Variants in DYNC1I1 observed in about 807,000 individuals in gnomAD.
DYNC1I1 encodes the protein dynein cytoplasmic 1 intermediate chain 1, also known as cytoplasmic dynein 1 intermediate chain 1.
DYNC1I1 carries 43 observed loss-of-function variants against 86.6 expected under a neutral mutation model. The observed-to-expected ratio is 0.50, with a 90% CI of 0.39 to 0.64. The LOEUF is 0.64. DYNC1I1 is among the 30% of genes least tolerant of loss of function. DYNC1I1 has a pLI of 0.00. For synonymous variants in DYNC1I1, 262 were observed against 283.7 expected (o/e 0.92, Z 0.77); for missense variants, 604 against 788.8 (o/e 0.77, Z 2.81).
Position 96,090,889 on chromosome 7 carries a change from G to A in DYNC1I1, c.1777-6594G>A, listed in dbSNP as rs1790820116. Among the ~76,000 whole-genome samples the A allele has an allele frequency of 3.9e-5, 6 of 152,108 alleles. No individual in the cohort carries two copies. In the South Asian group the frequency reaches 1.2e-3, roughly 32 times the overall value. On this transcript the variant is annotated intron_variant, in intron 16 of 16. Coordinates refer to ENST00000447467, the MANE Select transcript of DYNC1I1 (RefSeq NM_001135556.2). ...CCTCTGTATATTGCATTCTAACTTG[G>A]AATTCTGGTCCGTGGTTTCATCCAT...
chr7:95,799,535 G>T (rs994446274), intron 1 of DYNC1I1, among the ~76,000 whole-genome samples: 2 of 152,292 alleles, frequency 1.3e-5, no homozygotes, highest in Admixed American at 6.5e-5. Context: ...GGGGATGCCT[G>T]CTGGGGACAG....
intron 6 of DYNC1I1, among the ~76,000 whole-genome samples, chr7:95,939,709 T>C (rs1213719879): frequency 2.5e-4 from 38 of 151,972 alleles, no homozygotes; most frequent in African/African-American, 8.7e-4. Context: ...GTGAGATGGG[T>C]TTCCTGAATA....
At chr7:96,007,910 A>T (rs1457684920) in intron 10 of DYNC1I1, among the ~76,000 whole-genome samples, 1 of 152,172 alleles carries the variant, frequency 6.6e-6, no homozygotes, top group Non-Finnish European at 1.5e-5. Context: ...TCTGAGCCTG[A>T]GGGGCCACAG....
At chr7:95,909,097 G>T (rs531905887) in intron 6 of DYNC1I1, among the ~76,000 whole-genome samples, 2 of 148,986 alleles carry the variant, frequency 1.3e-5, no homozygotes, top group Non-Finnish European at 3.0e-5. Flanking sequence ...AGAGACTTGG[G>T]ATAAAGACAG....
chr7:95,966,575 A>G (rs533102215), intron 6 of DYNC1I1, among the ~76,000 whole-genome samples: 3 of 152,172 alleles, frequency 2.0e-5, no homozygotes, highest in Non-Finnish European at 4.4e-5. Flanking sequence ...TTGGAAAAAC[A>G]TGGGTTTGAC....
At chr7:96,077,146 C>A (rs576571312) in intron 15 of DYNC1I1, among the ~76,000 whole-genome samples, 1 of 151,886 alleles carries the variant, frequency 6.6e-6, no homozygotes, top group Non-Finnish European at 1.5e-5. Flanking sequence ...ACAAAAAGGT[C>A]TTTTGAAGTG....
At chr7:95,824,731 G>T (rs1185491766) in intron 4 of DYNC1I1, among the ~76,000 whole-genome samples, 2 of 152,182 alleles carry the variant, frequency 1.3e-5, no homozygotes, top group African/African-American at 4.8e-5. Context: ...AAGGAGATTT[G>T]CCTGATGACA....
chr7:95,935,493 A>C (rs1792016186), intron 6 of DYNC1I1, among the ~76,000 whole-genome samples: 1 of 152,064 alleles, frequency 6.6e-6, no homozygotes, highest in Non-Finnish European at 1.5e-5. Context: ...TGGATACTGA[A>C]AAGTGTGATT....
intron 14 of DYNC1I1, among the ~76,000 whole-genome samples, chr7:96,070,030 T>C (rs1236786358): frequency 6.6e-6 from 1 of 152,194 alleles, no homozygotes; most frequent in Non-Finnish European, 1.5e-5. Context: ...TCACCAAAAT[T>C]GTTTATGTCC....
chr7:95,792,099 G>A (rs1310345507), intron 1 of DYNC1I1, among the ~76,000 whole-genome samples: 2 of 152,226 alleles, frequency 1.3e-5, no homozygotes, highest in Admixed American at 6.5e-5. Flanking sequence ...CTCAGTGCTA[G>A]GCACTAAGGT....
chr7:95,977,434 C>T, intron 6 of DYNC1I1, 78 bp from the exon 7 acceptor site: 1 of 1,367,744 alleles, frequency 7.3e-7, no homozygotes, highest in Non-Finnish European at 1.0e-6. Context: ...TTACCCTTTA[C>T]CCCTACCTCC....
intron 6 of DYNC1I1, among the ~76,000 whole-genome samples, chr7:95,972,561 A>G (rs1793202384): frequency 6.6e-6 from 1 of 152,050 alleles, no homozygotes; most frequent in South Asian, 2.1e-4. Flanking sequence ...CAAAGGGAAT[A>G]TGCCCCAGAC....
At chr7:95,932,694 T>C (rs1469417721) in intron 6 of DYNC1I1, among the ~76,000 whole-genome samples, 2 of 152,134 alleles carry the variant, frequency 1.3e-5, no homozygotes, top group African/African-American at 4.8e-5. Context: ...GCCTCACAAA[T>C]GTTAAGTGAT....
chr7:95,894,777 G>T (rs1790834411), intron 6 of DYNC1I1, among the ~76,000 whole-genome samples: 1 of 152,182 alleles, frequency 6.6e-6, no homozygotes, highest in Admixed American at 6.5e-5. Context: ...TCTGCATCCT[G>T]CTGGTTGTGG....
At position 95,953,287 on chromosome 7, in the gene DYNC1I1, C is replaced by G. The variant is rs77420599; in HGVS notation, c.491-24225C>G. 8.9e-3 allele frequency among the ~76,000 whole-genome samples: 1,350 copies of G among 151,646 alleles called. 23 individuals carry two copies. Among genetic ancestry groups the G allele is most frequent in the African/African-American group, 0.031 (1,277 of 41,306 alleles). ...TTTTAATTACTGTAAGCATCTTACTCAGTTTTATGAGGCTTTTTAAAAAGA... is the reference window on the plus strand; with the variant it reads ...TTTTAATTACTGTAAGCATCTTACTGAGTTTTATGAGGCTTTTTAAAAAGA... On this transcript the variant is annotated intron_variant, in intron 6 of 16. Coordinates refer to ENST00000447467, the MANE Select transcript of DYNC1I1 (RefSeq NM_001135556.2).
intron 6 of DYNC1I1, among the ~76,000 whole-genome samples, chr7:95,899,631 C>T (rs1478239762): frequency 1.3e-5 from 2 of 152,168 alleles, no homozygotes; most frequent in Non-Finnish European, 2.9e-5. Context: ...GAGTGAACCA[C>T]TCCTTCAGGC....
At chr7:95,920,082 C>A (rs948684350) in intron 6 of DYNC1I1, among the ~76,000 whole-genome samples, 3 of 152,142 alleles carry the variant, frequency 2.0e-5, no homozygotes, top group African/African-American at 7.2e-5. Context: ...TTCCAAGGAG[C>A]ACAATATGGA....
At chr7:95,940,895 T>A (rs543051770) in intron 6 of DYNC1I1, among the ~76,000 whole-genome samples, 29 of 152,320 alleles carry the variant, frequency 1.9e-4, no homozygotes, top group African/African-American at 7.0e-4. Flanking sequence ...AGTTTCCAGT[T>A]TTTCTGCTCT....
intron 2 of DYNC1I1, among the ~76,000 whole-genome samples, chr7:95,806,063 C>T (rs556535919): frequency 9.6e-4 from 146 of 152,206 alleles, no homozygotes; most frequent in Admixed American, 2.2e-3. Context: ...CCTTTGAGAT[C>T]TTTGCTGTTA....
Sources: allele counts gnomAD v4.1 joint callset (sites outside exome capture counted in the v4.1 genomes callset), GRCh38; gene constraint gnomAD v4.1.1; transcripts MANE v1.5; gene names NCBI Gene and HGNC (gene_info 2026-07-23, HGNC 2026-07-21).